Variants in RGS7 observed in about 807,000 individuals in gnomAD.
RGS7 encodes the protein regulator of G-protein signaling 7.
A neutral mutation model predicts 81.1 loss-of-function variants in RGS7; 27 were observed. That is an observed-to-expected ratio of 0.33 (90% CI 0.25 to 0.46). The LOEUF (loss-of-function observed/expected upper bound fraction) is 0.46, where lower values mean the gene tolerates loss of function less well. Among genes scored for constraint, RGS7 ranks in the 20% least tolerant of loss-of-function variants. RGS7 has a pLI of 1.00. For missense variants in RGS7, 396 were observed against 607.4 expected (o/e 0.65, Z 3.66); for synonymous variants, 208 against 207.7 (o/e 1.00, Z -0.01).
intron 4 of RGS7, among the ~76,000 whole-genome samples, chr1:240,964,439 G>T (rs1401645791): frequency 6.6e-6 from 1 of 152,080 alleles, no homozygotes; most frequent in Non-Finnish European, 1.5e-5. Flanking sequence ...ATAGACACGG[G>T]AATACAACAA....
At chr1:241,330,289 T>TA (rs2081894205) in intron 2 of RGS7, among the ~76,000 whole-genome samples, 1 of 152,180 alleles carries the variant, frequency 6.6e-6, no homozygotes, top group South Asian at 2.1e-4. Flanking sequence ...TCTCATCTGA[T>TA]ATGACCTGCT....
intron 2 of RGS7, among the ~76,000 whole-genome samples, chr1:241,223,285 G>T (rs2075120482): frequency 6.6e-6 from 1 of 152,190 alleles, no homozygotes; most frequent in Non-Finnish European, 1.5e-5. Context: ...CACAATGGAA[G>T]TTTATTTCCC....
At chr1:240,931,429 T>C (rs1468634932) in intron 5 of RGS7, among the ~76,000 whole-genome samples, 2 of 152,010 alleles carry the variant, frequency 1.3e-5, no homozygotes, top group Non-Finnish European at 2.9e-5. Flanking sequence ...TAACTAAGAG[T>C]GTAACTGGAT....
chr1:240,933,049 ATTTT>A (rs61002891), intron 5 of RGS7, among the ~76,000 whole-genome samples: 8,206 of 148,206 alleles, frequency 0.055, 282 homozygotes, highest in African/African-American at 0.1. Flanking sequence ...CGCCCGGCTA[ATTTT>A]TTGTATTTTC....
intron 2 of RGS7, among the ~76,000 whole-genome samples, chr1:241,205,730 G>C (rs2073837058): frequency 6.6e-6 from 1 of 151,832 alleles, no homozygotes; most frequent in Admixed American, 6.6e-5. Context: ...CAAAGTGTTG[G>C]GATTACAGGC....
intron 3 of RGS7, among the ~76,000 whole-genome samples, chr1:241,089,598 A>G (rs1225271743): frequency 6.6e-6 from 1 of 152,054 alleles, no homozygotes; most frequent in Non-Finnish European, 1.5e-5. Flanking sequence ...CCTCCAACTA[A>G]TCCTCCATTT....
At chr1:241,232,327 C>T (rs1031768496) in intron 2 of RGS7, among the ~76,000 whole-genome samples, 1 of 152,112 alleles carries the variant, frequency 6.6e-6, no homozygotes, top group Non-Finnish European at 1.5e-5. Flanking sequence ...GCTGGGACCA[C>T]AGGCTTGAGA....
intron 2 of RGS7, among the ~76,000 whole-genome samples, chr1:241,111,838 G>A (rs1191498321): frequency 1.3e-5 from 2 of 152,158 alleles, no homozygotes; most frequent in African/African-American, 4.8e-5. Context: ...AAGCATCTCT[G>A]TTATTCCCAT....
chr1:240,946,828 A>G (rs1335025407), intron 4 of RGS7, among the ~76,000 whole-genome samples: 1 of 152,172 alleles, frequency 6.6e-6, no homozygotes, highest in Admixed American at 6.5e-5. Flanking sequence ...ACTATAGCAA[A>G]TAACAATGTA....
At chr1:240,992,725 A>G (rs1028842229) in intron 3 of RGS7, among the ~76,000 whole-genome samples, 3 of 151,822 alleles carry the variant, frequency 2.0e-5, no homozygotes, top group Admixed American at 6.6e-5. Flanking sequence ...TTGGGGTTCT[A>G]TTTAAAATGT....
intron 2 of RGS7, among the ~76,000 whole-genome samples, chr1:241,220,993 G>GA (rs1558203230): frequency 2.7e-5 from 2 of 74,948 alleles, no homozygotes; most frequent in Non-Finnish European, 5.5e-5. Flanking sequence ...AAGGAAGGAA[G>GA]GAAGAGAGAG....
chr1:241,343,422 A>G (rs537702672), intron 2 of RGS7, among the ~76,000 whole-genome samples: 3 of 152,326 alleles, frequency 2.0e-5, no homozygotes, highest in African/African-American at 7.2e-5. Context: ...CAGTAACCCA[A>G]CTGCCCATTG....
At chr1:240,780,913 C>CAA (rs35853032) in intron 18 of RGS7, among the ~76,000 whole-genome samples, 40 of 64,124 alleles carry the variant, frequency 6.2e-4, no homozygotes, top group East Asian at 1.2e-3. Flanking sequence ...GACTCTGTCT[C>CAA]AAAAAAAAAA....
intron 3 of RGS7, among the ~76,000 whole-genome samples, chr1:241,072,466 A>G (rs2062529547): frequency 6.6e-6 from 1 of 152,048 alleles, no homozygotes; most frequent in Non-Finnish European, 1.5e-5. Flanking sequence ...CTTTCCCATC[A>G]ACCTACCTGG....
intron 3 of RGS7, among the ~76,000 whole-genome samples, chr1:241,030,373 T>TATATATATATATACACAC (rs374223475): frequency 8.1e-5 from 11 of 135,230 alleles, no homozygotes; most frequent in African/African-American, 2.8e-4. Flanking sequence ...TATATATATA[T>TATATATATATATACACAC]ACATACACAC....
chr1:241,278,327 C>T (rs552363481), intron 2 of RGS7, among the ~76,000 whole-genome samples: 2 of 152,266 alleles, frequency 1.3e-5, no homozygotes, highest in African/African-American at 4.8e-5. Flanking sequence ...AGATATTTTG[C>T]ATTGGGAAGA....
At chr1:241,124,433 A>C (rs1174299354) in intron 2 of RGS7, among the ~76,000 whole-genome samples, 1 of 152,048 alleles carries the variant, frequency 6.6e-6, no homozygotes, top group Non-Finnish European at 1.5e-5. Flanking sequence ...AGAACCAGAA[A>C]ATGCATTTTT....
intron 6 of RGS7, among the ~76,000 whole-genome samples, chr1:240,877,649 C>A (rs1572549736): frequency 6.6e-6 from 1 of 151,946 alleles, no homozygotes; most frequent in African/African-American, 2.4e-5. Context: ...TTAATGAGTT[C>A]TTATTATTGG....
intron 2 of RGS7, among the ~76,000 whole-genome samples, chr1:241,136,660 G>A (rs2067538474): frequency 6.6e-6 from 1 of 152,148 alleles, no homozygotes; most frequent in Non-Finnish European, 1.5e-5. Flanking sequence ...CTTCTCTTTT[G>A]CAGAGAACAA....
Sources: allele counts gnomAD v4.1 joint callset (sites outside exome capture counted in the v4.1 genomes callset), GRCh38; gene constraint gnomAD v4.1.1; transcripts MANE v1.5; gene names NCBI Gene and HGNC (gene_info 2026-07-23, HGNC 2026-07-21).